TMEM207: variants seen among roughly 807,000 people sequenced by gnomAD.
TMEM207 encodes SRSR846.
TMEM207 carries 15 observed loss-of-function variants against 17.4 expected under a neutral mutation model. The observed-to-expected ratio is 0.86, with a 90% confidence interval of 0.58 to 1.33. The LOEUF (loss-of-function observed/expected upper bound fraction) is 1.33, where lower values mean the gene tolerates loss of function less well. Ranked by LOEUF, TMEM207 falls within the 40% of genes most tolerant of loss-of-function variation. The pLI is 0.00. For synonymous variants in TMEM207, 70 were observed against 65.6 expected, an observed-to-expected ratio of 1.07 and a Z score of -0.33; for missense variants, 205 against 173.8, an observed-to-expected ratio of 1.18 and a Z score of -1.01.
At chr3:190,433,591 CTCT>C (rs949937898) in intron 4 of TMEM207, among the ~76,000 whole-genome samples, 2 of 152,060 alleles carry the variant, frequency 1.3e-5, no homozygotes, top group Non-Finnish European at 2.9e-5. Flanking sequence ...GAGGATTTTT[CTCT>C]TCTTTTTTCT....
chr3:190,449,612 T>G, intron 1 of TMEM207, 123 bp downstream of exon 1: 4 of 847,110 alleles, frequency 4.7e-6, no homozygotes, highest in South Asian at 1.6e-5. Flanking sequence ...TAGTAAAGCT[T>G]GAAGGAAATC....
Position 190,434,768 on chromosome 3 carries a change from G to A in TMEM207, c.305-5037C>T, listed in dbSNP as rs540788418. On this transcript the variant is annotated intron_variant, in intron 4 of 4. Coordinates refer to ENST00000354905, the MANE Select transcript of TMEM207 (RefSeq NM_207316.3). ...CCATTTGAGAAGACATGAGGTCATT[G>A]AGCGGACGCTCTCTGGGTTGTAGCA... Among the ~76,000 whole-genome samples the A allele has an allele frequency of 3.9e-4, 60 of 152,324 alleles. 1 individual carries two copies. Among genetic ancestry groups the A allele is most frequent in the Middle Eastern group, 3.4e-3 (1 of 292 alleles).
At chr3:190,449,622 C>A (rs1003072923) in intron 1 of TMEM207, 113 bp downstream of exon 1, 1 of 920,570 alleles carries the variant, frequency 1.1e-6, no homozygotes, top group Non-Finnish European at 1.7e-6. Context: ...TGAAGGAAAT[C>A]TTTTAAATGT....
chr3:190,438,151 G>A (rs938189810), intron 4 of TMEM207, among the ~76,000 whole-genome samples: 5 of 150,896 alleles, frequency 3.3e-5, no homozygotes, highest in Non-Finnish European at 5.9e-5. Flanking sequence ...ATGCAAAATG[G>A]CGAGTTAATG....
chr3:190,429,702 C>A lies in TMEM207; in HGVS notation c.334G>T (p.Gly112Ter). Residue 112 changes from glycine (G) to a stop codon, truncating the protein, a stop_gained, in exon 5 of 5, where the codon GGA (glycine) becomes TGA (stop). Transcript: ENST00000354905. LOFTEE classifies it low-confidence loss of function (END_TRUNC). ...GGGGTTTGAGTTTGAAGGTGAATTC[C>A]AACAGTTGGACTCACAGCTGCTTCT... ...GTEAAVSPTV[G>*]IHLQTQTPDL... The A allele has an allele frequency of 1.2e-6, 2 of 1,610,942 alleles. No homozygotes were observed. The highest frequency in any genetic ancestry group is 1.7e-6 in the Non-Finnish European group (2 of 1,178,562).
intron 3 of TMEM207, 92 bp downstream of exon 3, chr3:190,441,346 C>G: frequency 9.8e-7 from 1 of 1,020,206 alleles, no homozygotes; most frequent in Non-Finnish European, 1.5e-6. Flanking sequence ...TTTCCTTAAG[C>G]TGTATGATTT....
At position 190,439,131 on chromosome 3, in the gene TMEM207, C is replaced by G. The variant is rs146007352; in HGVS notation, c.304+1113G>C. On this transcript the variant is annotated intron_variant, in intron 4 of 4. Coordinates refer to ENST00000354905, the MANE Select transcript of TMEM207 (RefSeq NM_207316.3). ...GGGGGAGCTTGCAGTGAGCGGAGAT[C>G]GCGCCACGGCACTCCCGCCTGGGCG... Among the ~76,000 whole-genome samples, 1,322 of 144,452 alleles carry G rather than the reference C, an allele frequency of 9.2e-3. 7 individuals are homozygous for G. The highest frequency in any genetic ancestry group is 0.033 in the African/African-American group (1,272 of 38,292). 94.8% of individuals were successfully genotyped at this position (144,452 alleles called of 152,430 possible). A position where few individuals can be genotyped will look rare whatever the true frequency, so the allele number is the denominator to read the frequency against.
At chr3:190,429,817 C>A in intron 4 of TMEM207, 86 bp from the exon 5 acceptor site, 1 of 1,403,348 alleles carries the variant, frequency 7.1e-7, no homozygotes. Flanking sequence ...TCTGGCATTG[C>A]TTGGATCGCT....
At chr3:190,433,111 G>A (rs891490387) in intron 4 of TMEM207, among the ~76,000 whole-genome samples, 1 of 152,032 alleles carries the variant, frequency 6.6e-6, no homozygotes, top group Non-Finnish European at 1.5e-5. Context: ...ACAATTGTGG[G>A]GGTCCCTCTC....
intron 4 of TMEM207, among the ~76,000 whole-genome samples, chr3:190,437,867 G>A (rs532693284): frequency 9.1e-4 from 138 of 151,350 alleles, no homozygotes; most frequent in African/African-American, 3.0e-3. Flanking sequence ...AACAATGATA[G>A]ACTGGATTAA....
intron 2 of TMEM207, among the ~76,000 whole-genome samples, chr3:190,443,198 A>T (rs1297299865): frequency 6.7e-6 from 1 of 148,466 alleles, no homozygotes; most frequent in Non-Finnish European, 1.5e-5. Context: ...GAATTGTGAC[A>T]TCTAAGCTCA....
intron 2 of TMEM207, among the ~76,000 whole-genome samples, chr3:190,445,673 G>A (rs1442517381): frequency 3.3e-5 from 5 of 151,982 alleles, no homozygotes; most frequent in East Asian, 1.9e-4. Context: ...TTACAGGTGC[G>A]TGCCACCATG....
intron 4 of TMEM207, among the ~76,000 whole-genome samples, chr3:190,439,575 A>T (rs1289129655): frequency 6.6e-6 from 1 of 152,200 alleles, no homozygotes; most frequent in Non-Finnish European, 1.5e-5. Context: ...GAAATCAGTA[A>T]GTTGTTTTTT....
intron 2 of TMEM207, among the ~76,000 whole-genome samples, chr3:190,445,746 G>A (rs1228238903): frequency 3.3e-5 from 5 of 152,236 alleles, no homozygotes; most frequent in South Asian, 4.1e-4. Context: ...GGCTGGTCTC[G>A]AACTCCCCAC....
chr3:190,443,529 T>C (rs1379193324), intron 2 of TMEM207, among the ~76,000 whole-genome samples: 1 of 152,128 alleles, frequency 6.6e-6, no homozygotes, highest in African/African-American at 2.4e-5. Context: ...TTTGAGATCA[T>C]TTATTGACCT....
chr3:190,441,114 G>A (rs112974554), intron 3 of TMEM207, among the ~76,000 whole-genome samples: 146 of 152,216 alleles, frequency 9.6e-4, no homozygotes, highest in African/African-American at 3.4e-3. Context: ...AAGAGACAGT[G>A]GTCATTTGGA....
intron 2 of TMEM207, among the ~76,000 whole-genome samples, chr3:190,446,792 C>G (rs1412255560): frequency 6.6e-6 from 1 of 152,116 alleles, no homozygotes; most frequent in South Asian, 2.1e-4. Context: ...TTCTGAACTT[C>G]TTTATTTTGT....
At chr3:190,447,739 G>C in intron 2 of TMEM207, 51 bp downstream of exon 2, 2 of 1,588,676 alleles carry the variant, frequency 1.3e-6, no homozygotes, top group Middle Eastern at 1.7e-4. Context: ...TTTATACTTT[G>C]AATTTTTTAA....
intron 2 of TMEM207, among the ~76,000 whole-genome samples, chr3:190,445,912 A>G (rs6763599): frequency 0.71 from 107,899 of 152,020 alleles, 38,638 homozygotes; most frequent in Middle Eastern, 0.78. Flanking sequence ...TGATTAATAC[A>G]TATGTTTTTA....
Sources: gnomAD v4.1 joint callset for allele counts (sites outside exome capture counted in the v4.1 genomes callset) on GRCh38, gnomAD v4.1.1 for gene constraint, MANE v1.5 for transcripts, NCBI Gene and HGNC (gene_info 2026-07-23, HGNC 2026-07-21) for gene names.